IMPG2: variants seen among roughly 807,000 people sequenced by gnomAD.
IMPG2 encodes the protein IPM 200.
Under a neutral mutation model 129.2 loss-of-function variants are expected in IMPG2, and 91 were observed. That is an observed-to-expected ratio of 0.70 (90% CI 0.59 to 0.84). The LOEUF is 0.84. IMPG2 is among the 40% of genes least tolerant of loss of function. IMPG2 has a pLI of 0.00. For missense variants in IMPG2, 1,430 were observed against 1,461.7 expected (o/e 0.98, Z 0.35); for synonymous variants, 510 against 517.7 (o/e 0.99, Z 0.20).
At position 101,236,916 on chromosome 3, in the gene IMPG2, T is replaced by C. The variant is rs143682587; in HGVS notation, c.3023-3925A>G. On this transcript the variant is annotated intron_variant, in intron 14 of 18. Transcript: ENST00000193391. ...GCTGAAGCCAGGGAGCCAAGTGGTCTAGCTCAGCGAATCCCACCCCCACGG... is the reference window on the plus strand; with the variant it reads ...GCTGAAGCCAGGGAGCCAAGTGGTCCAGCTCAGCGAATCCCACCCCCACGG... 1.1e-4 allele frequency among the ~76,000 whole-genome samples: 17 copies of C among 152,288 alleles called. 1 individual carries two copies. The highest frequency in any genetic ancestry group is 4.1e-4 in the African/African-American group (17 of 41,568).
intron 6 of IMPG2, among the ~76,000 whole-genome samples, chr3:101,274,122 G>A (rs1706817822): frequency 6.6e-6 from 1 of 152,130 alleles, no homozygotes; most frequent in Admixed American, 6.5e-5. Flanking sequence ...GAACCTGGGA[G>A]GCGGAGGTTT....
chr3:101,239,049 CA>C (rs1439872433), intron 14 of IMPG2, among the ~76,000 whole-genome samples: 1 of 151,998 alleles, frequency 6.6e-6, no homozygotes, highest in Non-Finnish European at 1.5e-5. Flanking sequence ...CACCAAACAC[CA>C]AAAGCAATGG....
Position 101,243,583 on chromosome 3 carries a change from C to T in IMPG2, c.2748G>A (p.Leu916=). 1 of 1,613,824 alleles carries T rather than the reference C, an allele frequency of 6.2e-7. No homozygotes were observed. Among genetic ancestry groups the T allele is most frequent in the Admixed American group, 1.7e-5 (1 of 59,966 alleles). Residue 916 remains leucine (L), a synonymous_variant, in exon 13 of 19, where the codon CTG becomes CTA. Coordinates refer to ENST00000193391, the MANE Select transcript of IMPG2 (RefSeq NM_016247.4). ...TATACTCCAAGGAGTTTTTATTAAA[C>T]AGATCTTCTGAAAACATCATGTTAG... The part of the protein sequence containing the change: ...RVTNMMFSED[L]FNKNSLEYKA...
intron 7 of IMPG2, among the ~76,000 whole-genome samples, chr3:101,272,716 C>T (rs1192782550): frequency 1.3e-5 from 2 of 152,192 alleles, no homozygotes; most frequent in African/African-American, 4.8e-5. Context: ...CCCCTTCCCA[C>T]ATCTGATGGC....
intron 16 of IMPG2, 73 bp from the exon 17 acceptor site, chr3:101,229,663 C>T: frequency 7.5e-7 from 1 of 1,333,300 alleles, no homozygotes; most frequent in Non-Finnish European, 1.1e-6. Context: ...TTACCTGGGA[C>T]AATATTTCTG....
chr3:101,298,630 A>T (rs1226864731), intron 3 of IMPG2, among the ~76,000 whole-genome samples: 1 of 152,204 alleles, frequency 6.6e-6, no homozygotes, highest in Admixed American at 6.5e-5. Context: ...TTGTCTGGAA[A>T]GGATTTTATT....
intron 15 of IMPG2, 79 bp downstream of exon 15, chr3:101,232,699 CCTA>C: frequency 1.8e-6 from 2 of 1,137,946 alleles, no homozygotes; most frequent in Non-Finnish European, 2.6e-6. Context: ...TAATAAGTAT[CCTA>C]AAATTATAGG....
In IMPG2 at chr3:101,231,089, G is replaced by A; in HGVS notation, c.3290C>T (p.Ser1097Phe). 1.2e-6 allele frequency: 2 copies of A among 1,614,146 alleles called. No individual in the cohort carries two copies. The highest frequency in any genetic ancestry group is 1.7e-6 in the Non-Finnish European group (2 of 1,180,024). Residue 1097 changes from serine (S) to phenylalanine (F), a missense_variant, in exon 16 of 19, where the codon TCT (serine) becomes TTT (phenylalanine). Transcript: ENST00000193391. Reference protein sequence around the residue: ...YRGKHCEEFVSEPVIIGITIA... With the variant: ...YRGKHCEEFVFEPVIIGITIA... ...AGTGATGCCTATGATCACGGGCTCAGACACAAATTCCTCACAGTGCTTGCC... is the reference window on the plus strand; with the variant it reads ...AGTGATGCCTATGATCACGGGCTCAAACACAAATTCCTCACAGTGCTTGCC...
rs1409724994 is a variant in IMPG2, at chr3:101,273,742, T to G, written c.667A>C (p.Ile223Leu). Residue 223 changes from isoleucine to leucine, a missense_variant and splice_region_variant, in exon 7 of 19, where the codon ATT becomes CTT. Transcript: ENST00000193391. Reference protein sequence around the residue: ...ESSLERPEESISNEIENVIEE... With the variant: ...ESSLERPEESLSNEIENVIEE... ...ATCACATTCTCAATTTCATTGCTAA[T>G]CTGAATTTTTAGAGAAAGAACAATA... 1.2e-6 allele frequency: 2 copies of G among 1,613,680 alleles called. No individual in the cohort carries two copies. Among genetic ancestry groups the G allele is most frequent in the Admixed American group, 3.3e-5 (2 of 60,016 alleles).
At position 101,304,381 on chromosome 3, in the gene IMPG2, C is replaced by A. The variant is rs924898180; in HGVS notation, c.335-69G>T. 9.0e-5 allele frequency: 125 copies of A among 1,384,344 alleles called. 1 individual carries two copies. The South Asian group carries it at 1.4e-3, about 15-fold the overall frequency. 85.8% of individuals were successfully genotyped at this position (1,384,344 alleles called of 1,614,324 possible). A position where few individuals can be genotyped will look rare whatever the true frequency, so the allele number is the denominator to read the frequency against. Reference sequence around the variant, plus strand: ...CTGGGGTTCTTACAATGATCATAGACTGATTCGTACAGATTCCTTGAGACA... The same window carrying A: ...CTGGGGTTCTTACAATGATCATAGAATGATTCGTACAGATTCCTTGAGACA... On this transcript the variant is annotated intron_variant, in intron 2 of 18. Transcript: ENST00000193391.
chr3:101,306,334 G>C (rs1056641194), intron 2 of IMPG2, among the ~76,000 whole-genome samples: 5 of 152,174 alleles, frequency 3.3e-5, no homozygotes, highest in Non-Finnish European at 7.4e-5. Flanking sequence ...AAATGTATGA[G>C]TATTGAAAGT....
rs1206563742 is a variant in IMPG2, at chr3:101,245,880, C to T, written c.1465G>A (p.Val489Ile). ...LEVSSLTLHS[V>I]TPAVLQTGLP... ...CCAGTCTGAAGCACTGCCGGGGTGA[C>T]AGAATGAAGAGTCAAGCTGCTAACC... Residue 489 changes from valine to isoleucine, a missense_variant, in exon 12 of 19, where the codon GTC becomes ATC. Physicochemically the swap from Val to Ile is conservative, Grantham distance 29 (BLOSUM62 3). Coordinates refer to ENST00000193391, the MANE Select transcript of IMPG2 (RefSeq NM_016247.4). The T allele has an allele frequency of 1.9e-6, 3 of 1,614,162 alleles. No homozygotes were observed. In the South Asian group the frequency reaches 3.3e-5, roughly 18 times the overall value.
chr3:101,236,232 T>C (rs1195355357), intron 14 of IMPG2, among the ~76,000 whole-genome samples: 1 of 152,196 alleles, frequency 6.6e-6, no homozygotes, highest in Non-Finnish European at 1.5e-5. Context: ...TCCTTAACAA[T>C]GCCCAGAAAT....
intron 18 of IMPG2, 106 bp from the exon 19 acceptor site, chr3:101,227,087 C>A (rs1706233026): frequency 8.0e-7 from 1 of 1,257,174 alleles, no homozygotes; most frequent in Middle Eastern, 2.0e-4. Flanking sequence ...ATCATGAATA[C>A]TTTCTATTTT....
intron 2 of IMPG2, among the ~76,000 whole-genome samples, chr3:101,314,357 G>T (rs1314508813): frequency 2.0e-5 from 3 of 152,066 alleles, no homozygotes; most frequent in Non-Finnish European, 2.9e-5. Context: ...ATTTAACTGG[G>T]TGTCCTGCAT....
intron 3 of IMPG2, among the ~76,000 whole-genome samples, chr3:101,298,433 GTCA>G (rs1707105126): frequency 6.6e-6 from 1 of 152,142 alleles, no homozygotes; most frequent in Non-Finnish European, 1.5e-5. Flanking sequence ...ATTTGATTAT[GTCA>G]TCATGATGCT....
intron 9 of IMPG2, among the ~76,000 whole-genome samples, chr3:101,261,342 C>T (rs1706667814): frequency 6.6e-6 from 1 of 152,046 alleles, no homozygotes; most frequent in Non-Finnish European, 1.5e-5. Context: ...TTAGGCTATG[C>T]AGAAAATCAG....
chr3:101,320,238 C>A, intron 1 of IMPG2, 50 bp downstream of exon 1: 2 of 1,054,826 alleles, frequency 1.9e-6, no homozygotes, highest in Non-Finnish European at 2.9e-6. Context: ...TTTTGAAGAA[C>A]ATATACTACA....
chr3:101,276,308 GA>G (rs1690219323), intron 5 of IMPG2, among the ~76,000 whole-genome samples: 1 of 152,154 alleles, frequency 6.6e-6, no homozygotes, highest in Admixed American at 6.5e-5. Context: ...CTTACTCTGG[GA>G]ACCTCTCATG....
Sources: gnomAD v4.1 joint callset for allele counts (sites outside exome capture counted in the v4.1 genomes callset) on GRCh38, gnomAD v4.1.1 for gene constraint, MANE v1.5 for transcripts, NCBI Gene and HGNC (gene_info 2026-07-23, HGNC 2026-07-21) for gene names.